Variants in SUGCT observed in about 807,000 individuals in gnomAD.
The protein encoded by SUGCT is succinyl-CoA:glutarate CoA-transferase.
Under a neutral mutation model 55.0 loss-of-function variants are expected in SUGCT, and 41 were observed. The ratio of observed to expected loss-of-function variants is 0.74; its 90% CI spans 0.58 to 0.97. The LOEUF is 0.97. Ranked by LOEUF, SUGCT falls within the 50% of genes least tolerant of loss-of-function variation. The pLI is 0.00. For synonymous variants in SUGCT, 187 were observed against 200.4 expected, an observed-to-expected ratio of 0.93 and a Z score of 0.56; for missense variants, 568 against 547.8, an observed-to-expected ratio of 1.04 and a Z score of -0.37.
chr7:40,865,203 C>T (rs1342139663), downstream of SUGCT, among the ~76,000 whole-genome samples: 1 of 151,996 alleles, frequency 6.6e-6, no homozygotes, highest in African/African-American at 2.4e-5. Context: ...TCTCTCTCTC[C>T]ACACACAGAC....
intron 7 of SUGCT, among the ~76,000 whole-genome samples, chr7:40,267,965 C>A (rs1373804770): frequency 1.3e-5 from 2 of 152,030 alleles, no homozygotes; most frequent in Non-Finnish European, 2.9e-5. Context: ...AAACAATAGC[C>A]TTGAATGAAA....
chr7:40,299,574 G>A lies in SUGCT; in HGVS notation c.721-17186G>A, dbSNP rs377139832. The stretch of plus-strand genomic sequence containing the variant: ...GCAGCACACCACTAGCCCCAGTGTA[G>A]CCAGGTTTGCAATTTTTGAAGAAAA... On this transcript the variant is annotated intron_variant, in intron 8 of 13. Transcript: ENST00000335693. Among the ~76,000 whole-genome samples, 98 of 152,132 alleles carry A rather than the reference G, an allele frequency of 6.4e-4. 2 individuals carry two copies. In the South Asian group the frequency reaches 0.02, roughly 31 times the overall value.
At chr7:40,305,671 T>C (rs1336026280) in intron 8 of SUGCT, among the ~76,000 whole-genome samples, 1 of 152,176 alleles carries the variant, frequency 6.6e-6, no homozygotes, top group Non-Finnish European at 1.5e-5. Context: ...TTTTTATTTT[T>C]ATTTTTTTGT....
At chr7:40,900,859 T>C in the SUGCT span, among the ~76,000 whole-genome samples, 15 of 152,376 alleles carry the variant, frequency 9.8e-5, no homozygotes, top group African/African-American at 3.6e-4. Context: ...AACCTATGCG[T>C]TATTTTTCCC....
the SUGCT span, among the ~76,000 whole-genome samples, chr7:41,026,374 TG>T: frequency 1.3e-5 from 2 of 152,182 alleles, no homozygotes; most frequent in African/African-American, 2.4e-5. Context: ...GCATCTAGTT[TG>T]TTGCCTGTAT....
At chr7:40,670,498 G>A (rs73124018) in intron 12 of SUGCT, among the ~76,000 whole-genome samples, 20,631 of 151,996 alleles carry the variant, frequency 0.14, 1,664 homozygotes, top group Middle Eastern at 0.19. Flanking sequence ...GACATCAAAA[G>A]GATAATAAAG....
intron 8 of SUGCT, among the ~76,000 whole-genome samples, chr7:40,285,789 T>G (rs1793298879): frequency 6.6e-6 from 1 of 152,198 alleles, no homozygotes; most frequent in South Asian, 2.1e-4. Flanking sequence ...GTTTGTCGGC[T>G]AGAGTCATTA....
At chr7:40,610,500 G>A (rs954842847) in intron 12 of SUGCT, among the ~76,000 whole-genome samples, 12 of 152,126 alleles carry the variant, frequency 7.9e-5, no homozygotes, top group African/African-American at 2.9e-4. Flanking sequence ...AATTTGTTGA[G>A]TAGGGAAGAG....
At chr7:40,705,155 T>C (rs532753021) in intron 12 of SUGCT, among the ~76,000 whole-genome samples, 68 of 152,348 alleles carry the variant, frequency 4.5e-4, no homozygotes, top group Non-Finnish European at 7.5e-4. Context: ...TTTATGCTTT[T>C]ATTTAAAATT....
chr7:40,732,927 T>C lies in SUGCT; in HGVS notation c.1090-16507T>C, dbSNP rs187340731. On this transcript the variant is annotated intron_variant, in intron 12 of 13. Coordinates refer to ENST00000335693, the MANE Select transcript of SUGCT (RefSeq NM_001193313.2). The stretch of plus-strand genomic sequence containing the variant: ...CAGCATGGTGCAACCCCAACTCTAC[T>C]AAAAATACATAGTGGCGCATGTCTG... Among the ~76,000 whole-genome samples, 11 of 152,108 alleles carry C rather than the reference T, an allele frequency of 7.2e-5. No individual in the cohort carries two copies. In the East Asian group the frequency reaches 2.1e-3, roughly 29 times the overall value.
chr7:40,721,638 A>G (rs1786343835), intron 12 of SUGCT, among the ~76,000 whole-genome samples: 1 of 152,192 alleles, frequency 6.6e-6, no homozygotes, highest in African/African-American at 2.4e-5. Context: ...ATTTCAGTTC[A>G]TTTCTTAATT....
At chr7:40,661,056 C>T (rs966464175) in intron 12 of SUGCT, among the ~76,000 whole-genome samples, 3 of 152,128 alleles carry the variant, frequency 2.0e-5, no homozygotes, top group Non-Finnish European at 4.4e-5. Flanking sequence ...TCACTGGACT[C>T]GTTACAAATT....
intron 12 of SUGCT, among the ~76,000 whole-genome samples, chr7:40,574,525 C>T (rs372478469): frequency 2.0e-5 from 3 of 151,992 alleles, no homozygotes; most frequent in Non-Finnish European, 2.9e-5. Context: ...TGTGCCTCCC[C>T]AGTTCAAGAG....
chr7:40,879,955 T>C, the SUGCT span, among the ~76,000 whole-genome samples: 1 of 152,160 alleles, frequency 6.6e-6, no homozygotes, highest in African/African-American at 2.4e-5. Context: ...AAGCAAGTCA[T>C]GAGGCCCAGT....
At chr7:40,955,024 T>A in the SUGCT span, among the ~76,000 whole-genome samples, 1 of 152,204 alleles carries the variant, frequency 6.6e-6, no homozygotes, top group Non-Finnish European at 1.5e-5. Flanking sequence ...AGTACCAAGC[T>A]GTTTTGGTTA....
intron 13 of SUGCT, among the ~76,000 whole-genome samples, chr7:40,772,554 CTATCT>C (rs1562994233): frequency 2.2e-5 from 3 of 138,076 alleles, no homozygotes; most frequent in African/African-American, 8.1e-5. Flanking sequence ...ATCTATCTAT[CTATCT>C]ATCTGGTGTT....
rs189800771 is a variant in SUGCT, at chr7:40,612,728, C to G, written c.1089+116342C>G. ...GATTAAATGAGAAAAACCTGCAAAA[C>G]TTAGTACAGTATCTGGCATATGGTA... On this transcript the variant is annotated intron_variant, in intron 12 of 13. Transcript: ENST00000335693. 2.0e-5 allele frequency among the ~76,000 whole-genome samples: 3 copies of G among 152,310 alleles called. No individual in the cohort carries two copies. The East Asian group carries it at 5.8e-4, about 29-fold the overall frequency.
chr7:40,823,336 A>G (rs755183631), intron 13 of SUGCT, among the ~76,000 whole-genome samples: 2 of 152,084 alleles, frequency 1.3e-5, no homozygotes, highest in Non-Finnish European at 2.9e-5. Context: ...CTCTCTTAAC[A>G]TCTTAGGTTA....
At chr7:40,208,396 G>A (rs923185903) in intron 6 of SUGCT, among the ~76,000 whole-genome samples, 2 of 152,090 alleles carry the variant, frequency 1.3e-5, no homozygotes, top group African/African-American at 4.8e-5. Flanking sequence ...GGAAAGAATA[G>A]TCTAAACTAT....
Sources: gnomAD v4.1 joint callset for allele counts (sites outside exome capture counted in the v4.1 genomes callset) on GRCh38, gnomAD v4.1.1 for gene constraint, MANE v1.5 for transcripts, NCBI Gene and HGNC (gene_info 2026-07-23, HGNC 2026-07-21) for gene names.